The following ABHD12 variants were observed in gnomAD, a reference collection of about 807,000 sequenced individuals.
ABHD12 encodes abhydrolase domain containing 12, lysophospholipase.
In ABHD12, 43 loss-of-function variants were observed where a neutral mutation model predicts 58.3. The observed-to-expected ratio is 0.74, with a 90% CI of 0.58 to 0.95. The LOEUF is 0.95. Among genes scored for constraint, ABHD12 ranks in the 40% least tolerant of loss-of-function variants. The probability of loss-of-function intolerance (pLI) is 0.00; values close to 1 mark genes in which losing one functional copy is unlikely to be tolerated. For missense variants in ABHD12, 539 were observed against 537.2 expected, an observed-to-expected ratio of 1.00 and a Z score of -0.03; for synonymous variants, 219 against 211.2, an observed-to-expected ratio of 1.04 and a Z score of -0.32.
intron 6 of ABHD12, among the ~76,000 whole-genome samples, chr20:25,309,941 C>T (rs764513015): frequency 1.3e-5 from 2 of 152,256 alleles, no homozygotes; most frequent in Non-Finnish European, 2.9e-5. Context: ...AGAGCTGGCA[C>T]CGGCATCCTC....
At chr20:25,308,397 C>A (rs140868408) in intron 8 of ABHD12, 60 bp downstream of exon 8, 2 of 1,587,458 alleles carry the variant, frequency 1.3e-6, no homozygotes, top group African/African-American at 1.3e-5. Flanking sequence ...GCAGCAGGGC[C>A]GGGACTGGGG....
chr20:25,306,527 C>T (rs1326550980), intron 10 of ABHD12, among the ~76,000 whole-genome samples: 1 of 152,132 alleles, frequency 6.6e-6, no homozygotes, highest in Non-Finnish European at 1.5e-5. Context: ...CACAGGTACA[C>T]GATGCCACCA....
At chr20:25,312,429 C>A (rs1200608849) in intron 6 of ABHD12, among the ~76,000 whole-genome samples, 4 of 150,948 alleles carry the variant, frequency 2.6e-5, no homozygotes. Context: ...GATCTGCCAG[C>A]ATCGGCCTCC....
chr20:25,348,821 G>A (rs1360597573), intron 1 of ABHD12, among the ~76,000 whole-genome samples: 4 of 152,066 alleles, frequency 2.6e-5, no homozygotes, highest in South Asian at 2.1e-4. Context: ...GGTGGCTCAC[G>A]TCTGTAATCC....
chr20:25,306,913 T>G lies in ABHD12; in HGVS notation c.870A>C (p.Ile290=). The change falls in exon 10 of 13, where the codon ATA becomes ATC. Residue 290 remains isoleucine, a splice_region_variant and synonymous_variant. Coordinates refer to ENST00000339157, the MANE Select transcript of ABHD12 (RefSeq NM_001042472.3). ...AGTCAAACCCAGGGAAGTATCGATA[T>G]ATCTGGAGACAAGATGGAAACCATT... ...EEAKSHPFSV[I]YRYFPGFDWF... is the part of the protein sequence containing the mutation. 6.2e-7 allele frequency: 1 copy of G among 1,605,832 alleles called. No homozygotes were observed. The highest frequency in any genetic ancestry group is 8.5e-7 in the Non-Finnish European group (1 of 1,173,084).
At chr20:25,382,875 C>T (rs1254379653) in intron 1 of ABHD12, among the ~76,000 whole-genome samples, 1 of 152,094 alleles carries the variant, frequency 6.6e-6, no homozygotes, top group East Asian at 1.9e-4. Flanking sequence ...GTGGCCAGTC[C>T]CTGGCTGGAG....
intron 11 of ABHD12, 135 bp downstream of exon 11, chr20:25,303,415 T>C (rs1407363346): frequency 3.9e-6 from 6 of 1,528,332 alleles, no homozygotes; most frequent in Non-Finnish European, 5.3e-6. Context: ...CTCCTGAGCC[T>C]GACGTGGCTG....
chr20:25,298,894 G>A (rs2088591630), downstream of ABHD12, among the ~76,000 whole-genome samples: 1 of 152,206 alleles, frequency 6.6e-6, no homozygotes, highest in African/African-American at 2.4e-5. Context: ...CACCCACCAT[G>A]CATCTGGGCG....
In ABHD12 at chr20:25,323,653, G is replaced by A. The variant is rs6115145; in HGVS notation, c.317-223C>T. Among the ~76,000 whole-genome samples, 14,424 of 152,278 alleles carry A rather than the reference G, an allele frequency of 0.095. 741 individuals carry two copies. The highest frequency in any genetic ancestry group is 0.11 in the Non-Finnish European group (7,471 of 68,014). ...AGACCTGCAGGCCCAGCCTCAGGCA[G>A]GGTATGGGCTGAGGCCAGCCAGCAT... On this transcript the variant is annotated intron_variant, in intron 2 of 12. Transcript: ENST00000339157.
At chr20:25,306,751 T>C in intron 10 of ABHD12, 82 bp downstream of exon 10, 1 of 959,944 alleles carries the variant, frequency 1.0e-6, no homozygotes, top group Non-Finnish European at 1.6e-6. Context: ...TCCTATTTGA[T>C]TACTGTGACT....
chr20:25,333,363 A>G (rs2089309270), intron 2 of ABHD12, among the ~76,000 whole-genome samples: 1 of 121,934 alleles, frequency 8.2e-6, no homozygotes, highest in Admixed American at 8.6e-5. Flanking sequence ...TTCACAGCTG[A>G]ATTCTACCAG....
intron 1 of ABHD12, among the ~76,000 whole-genome samples, chr20:25,346,412 C>T (rs894151449): frequency 2.6e-5 from 4 of 152,096 alleles, no homozygotes; most frequent in Admixed American, 6.5e-5. Flanking sequence ...ATACATTTGT[C>T]GAAATCTCAT....
intron 6 of ABHD12, among the ~76,000 whole-genome samples, chr20:25,310,970 A>G (rs770033946): frequency 3.3e-5 from 5 of 152,198 alleles, no homozygotes; most frequent in African/African-American, 7.2e-5. Context: ...CCCTCTCCTA[A>G]GGTCTCTAGC....
intron 10 of ABHD12, among the ~76,000 whole-genome samples, chr20:25,304,238 G>A (rs1356869350): frequency 6.6e-6 from 1 of 152,266 alleles, no homozygotes; most frequent in Non-Finnish European, 1.5e-5. Context: ...GTGCACTCCT[G>A]GCACCTGGAG....
At chr20:25,341,788 A>C (rs1247790861) in intron 1 of ABHD12, among the ~76,000 whole-genome samples, 1 of 152,152 alleles carries the variant, frequency 6.6e-6, no homozygotes, top group African/African-American at 2.4e-5. Context: ...GAGGACCAGA[A>C]AGACTCAGGA....
rs184112713 is a variant in ABHD12, at chr20:25,378,617, A to C, written c.191+11896T>G. 1.2e-4 allele frequency among the ~76,000 whole-genome samples: 19 copies of C among 152,102 alleles called. No individual in the cohort carries two copies. In the East Asian group the frequency reaches 3.5e-3, roughly 28 times the overall value. ...TGACCCTGAACATTCTTACCTTCCC[A>C]TTACGAACAGTTCAGTCAATATACC... is the stretch of plus-strand genomic sequence containing the variant. On this transcript the variant is annotated intron_variant, in intron 1 of 12. Transcript: ENST00000339157.
At chr20:25,330,239 T>C (rs1467647566) in intron 2 of ABHD12, among the ~76,000 whole-genome samples, 1 of 152,222 alleles carries the variant, frequency 6.6e-6, no homozygotes, top group African/African-American at 2.4e-5. Flanking sequence ...CCCACCCGAA[T>C]ACTGTGCTTT....
rs534140287 is a variant in ABHD12, at chr20:25,300,524, C to A, written c.*321G>T. 4,068 of 1,203,738 alleles carry A rather than the reference C, an allele frequency of 3.4e-3. 104 individuals are homozygous for A. The African/African-American group carries it at 0.067, about 20-fold the overall frequency. The allele number at this position is 1,203,738 out of a possible 1,614,324, so 74.6% of individuals were successfully genotyped here. Reference sequence around the variant, plus strand: ...CAAGAGTCCCCTGCCCGGACTCCCCCTGTCCAGCTCAGTGCAGCATCAAGC... The same window carrying A: ...CAAGAGTCCCCTGCCCGGACTCCCCATGTCCAGCTCAGTGCAGCATCAAGC... On this transcript the variant is annotated 3_prime_UTR_variant, in exon 13 of 13. Coordinates refer to ENST00000339157, the MANE Select transcript of ABHD12 (RefSeq NM_001042472.3).
At chr20:25,351,787 C>T (rs958653149) in intron 1 of ABHD12, among the ~76,000 whole-genome samples, 2 of 151,850 alleles carry the variant, frequency 1.3e-5, no homozygotes, top group African/African-American at 4.8e-5. Context: ...TGTAATCCCA[C>T]CTACTCGGGA....
Sources: gnomAD v4.1 joint callset for allele counts (sites outside exome capture counted in the v4.1 genomes callset) on GRCh38, gnomAD v4.1.1 for gene constraint, MANE v1.5 for transcripts, NCBI Gene and HGNC (gene_info 2026-07-23, HGNC 2026-07-21) for gene names.